The following CPXM2 variants were observed in gnomAD, a reference collection of about 807,000 sequenced individuals.
CPXM2 encodes inactive carboxypeptidase-like protein X2.
CPXM2 carries 66 observed loss-of-function variants against 86.1 expected under a neutral mutation model. That is an observed-to-expected ratio of 0.77 (90% CI 0.63 to 0.94). The LOEUF (loss-of-function observed/expected upper bound fraction) is 0.94. CPXM2 is among the 40% of genes least tolerant of loss of function. CPXM2 has a pLI of 0.00. For missense variants in CPXM2, 948 were observed against 1,026.3 expected (o/e 0.92, Z 1.04); for synonymous variants, 388 against 400.2 (o/e 0.97, Z 0.36).
intron 2 of CPXM2, among the ~76,000 whole-genome samples, chr10:123,925,980 C>T (rs1403847251): frequency 6.6e-6 from 1 of 152,192 alleles, no homozygotes; most frequent in Non-Finnish European, 1.5e-5. Context: ...CATATGTAAG[C>T]ATATCATGCT....
upstream of CPXM2, among the ~76,000 whole-genome samples, chr10:123,943,724 C>T (rs1205302128): frequency 1.3e-5 from 2 of 152,190 alleles, no homozygotes; most frequent in Admixed American, 6.5e-5. Context: ...GCCTGGTAGG[C>T]AGAAGCTCAG....
At chr10:123,888,348 A>C (rs901708002) in intron 1 of CPXM2, among the ~76,000 whole-genome samples, 1 of 152,188 alleles carries the variant, frequency 6.6e-6, no homozygotes, top group East Asian at 1.9e-4. Context: ...TTATACTGTT[A>C]TGCATCTCTA....
intron 6 of CPXM2, among the ~76,000 whole-genome samples, chr10:123,784,338 A>G (rs1239840880): frequency 6.6e-6 from 1 of 152,076 alleles, no homozygotes; most frequent in Non-Finnish European, 1.5e-5. Context: ...CCCTGTTGAC[A>G]CCTTGCTCTC....
intron 2 of CPXM2, among the ~76,000 whole-genome samples, chr10:123,875,365 T>C (rs1448970288): frequency 6.6e-6 from 1 of 152,192 alleles, no homozygotes; most frequent in Non-Finnish European, 1.5e-5. Flanking sequence ...GGTGTGACTC[T>C]GTCCCAGTTC....
chr10:123,936,016 T>A (rs907472176), intron 2 of CPXM2, among the ~76,000 whole-genome samples: 3 of 94,370 alleles, frequency 3.2e-5, no homozygotes, highest in Admixed American at 1.1e-4. Context: ...CTTACCATCA[T>A]CACCACCACC....
At position 123,761,856 on chromosome 10, in the gene CPXM2, C is replaced by A. The variant is rs375442985; in HGVS notation, c.1777+16G>T. 2.5e-6 allele frequency: 4 copies of A among 1,610,240 alleles called. No homozygotes were observed. Among genetic ancestry groups the A allele is most frequent in the African/African-American group, 1.3e-5 (1 of 74,940 alleles). ...TCCTGCGCCCGCAGCCCACTCTCCC[C>A]CAGAGGGAGGCTTACTTCCAGCGAC... On this transcript the variant is annotated intron_variant, in intron 11 of 13. Coordinates refer to ENST00000241305, the MANE Select transcript of CPXM2 (RefSeq NM_198148.3).
chr10:123,786,292 G>C (rs1437920425), intron 6 of CPXM2, among the ~76,000 whole-genome samples: 1 of 152,220 alleles, frequency 6.6e-6, no homozygotes, highest in African/African-American at 2.4e-5. Context: ...CGTGGAAGGA[G>C]CACACGCTTC....
chr10:123,788,403 T>C (rs1397458215), intron 6 of CPXM2, among the ~76,000 whole-genome samples: 2 of 151,374 alleles, frequency 1.3e-5, no homozygotes, highest in African/African-American at 4.9e-5. Context: ...GTCTGGAGAG[T>C]TACAAGTGGA....
intron 4 of CPXM2, among the ~76,000 whole-genome samples, chr10:123,832,922 CTT>C (rs1848195021): frequency 1.3e-5 from 2 of 152,144 alleles, no homozygotes; most frequent in South Asian, 4.1e-4. Context: ...ACCTGAGCGT[CTT>C]TTGCTTTTCC....
At chr10:123,782,952 A>G (rs967820668) in intron 6 of CPXM2, among the ~76,000 whole-genome samples, 2 of 152,242 alleles carry the variant, frequency 1.3e-5, no homozygotes. Flanking sequence ...TGGTGACAAG[A>G]GTGACCTCTG....
At chr10:123,800,568 C>G (rs898761356) in intron 4 of CPXM2, among the ~76,000 whole-genome samples, 1 of 152,144 alleles carries the variant, frequency 6.6e-6, no homozygotes, top group Non-Finnish European at 1.5e-5. Flanking sequence ...TGTTTTTCAG[C>G]TGATAAGGCC....
At chr10:123,891,941 C>G (rs1025358158), upstream of CPXM2, 2 of 152,114 alleles carry the variant, frequency 1.3e-5, no homozygotes, top group South Asian at 2.1e-4. This position sits in a 1 kb window ranked among gnomAD's most constrained non-coding sequence, Gnocchi z 5.6. Context: ...GAGGCCGGTC[C>G]TTGGAGGCAG....
intron 4 of CPXM2, among the ~76,000 whole-genome samples, chr10:123,809,964 T>C (rs1206322266): frequency 2.6e-5 from 4 of 151,988 alleles, no homozygotes; most frequent in East Asian, 1.9e-4. Context: ...GATTAGTTAA[T>C]AGATCATTAA....
At chr10:123,800,480 T>C (rs1252588905) in intron 4 of CPXM2, among the ~76,000 whole-genome samples, 1 of 152,142 alleles carries the variant, frequency 6.6e-6, no homozygotes, top group East Asian at 1.9e-4. Flanking sequence ...TGGAAAATTA[T>C]CCACACCCAA....
rs891212242 is a variant in CPXM2, at chr10:123,800,611, C to T, written c.654-1412G>A. Among the ~76,000 whole-genome samples, 5 of 151,970 alleles carry T rather than the reference C, an allele frequency of 3.3e-5. No individual in the cohort carries two copies. The East Asian group carries it at 5.8e-4, about 18-fold the overall frequency. On this transcript the variant is annotated intron_variant, in intron 4 of 13. Coordinates refer to ENST00000241305, the MANE Select transcript of CPXM2 (RefSeq NM_198148.3). ...GATACAGCAAGACAGACAACAGAGG[C>T]GGGAGCTGTATCCTGCCGAGAGAGA...
At chr10:123,856,455 G>C (rs997174558) in intron 3 of CPXM2, among the ~76,000 whole-genome samples, 1 of 152,176 alleles carries the variant, frequency 6.6e-6, no homozygotes, top group Non-Finnish European at 1.5e-5. Flanking sequence ...AAATATCTTA[G>C]GGTCCTCAAA....
intron 7 of CPXM2, among the ~76,000 whole-genome samples, chr10:123,776,423 G>T (rs976994324): frequency 1.3e-5 from 2 of 152,286 alleles, no homozygotes; most frequent in South Asian, 4.1e-4. Context: ...TCTACTGAAG[G>T]ATATAGAATC....
chr10:123,814,870 CA>C (rs1847780496), intron 4 of CPXM2, among the ~76,000 whole-genome samples: 1 of 151,958 alleles, frequency 6.6e-6, no homozygotes, highest in Non-Finnish European at 1.5e-5. Context: ...CTAAAAAATA[CA>C]AAAATTAGCT....
At chr10:123,789,440 T>C (rs1028408476) in intron 6 of CPXM2, among the ~76,000 whole-genome samples, 4 of 152,234 alleles carry the variant, frequency 2.6e-5, no homozygotes, top group Non-Finnish European at 5.9e-5. Context: ...CAGGGCCAAT[T>C]TGCAGCTTGA....
Sources: gnomAD v4.1 joint callset for allele counts (sites outside exome capture counted in the v4.1 genomes callset) on GRCh38, gnomAD v4.1.1 for gene constraint, Gnocchi (gnomAD v3.1) non-coding constraint, MANE v1.5 for transcripts, NCBI Gene and HGNC (gene_info 2026-07-23, HGNC 2026-07-21) for gene names.